Variants in GLIS3 observed in about 807,000 individuals in gnomAD.
The protein encoded by GLIS3 is zinc finger protein GLIS3.
In GLIS3, 53 loss-of-function variants were observed where a neutral mutation model predicts 78.6. That is an observed-to-expected ratio of 0.67 (90% CI 0.54 to 0.85). The LOEUF (loss-of-function observed/expected upper bound fraction) is 0.85. Among genes scored for constraint, GLIS3 ranks in the 40% least tolerant of loss-of-function variants. GLIS3 has a pLI of 0.00. For missense variants in GLIS3, 1,703 were observed against 1,231.1 expected, an observed-to-expected ratio of 1.38 and a Z score of -5.74; for synonymous variants, 684 against 509.9, an observed-to-expected ratio of 1.34 and a Z score of -4.60.
At chr9:4,286,659 G>A in intron 1 of GLIS3, 136 bp from the exon 2 acceptor site, 1 of 580,784 alleles carries the variant, frequency 1.7e-6, no homozygotes, top group East Asian at 3.0e-5. Flanking sequence ...GTAGAAAAGG[G>A]TCCTCAAATA....
At chr9:4,425,128 C>CT in the GLIS3 span, among the ~76,000 whole-genome samples, 5 of 152,094 alleles carry the variant, frequency 3.3e-5, no homozygotes, top group African/African-American at 4.8e-5. Flanking sequence ...CAGAAGGAGC[C>CT]TGGGTCCCTG....
chr9:4,374,588 T>C, the GLIS3 span, among the ~76,000 whole-genome samples: 1 of 152,238 alleles, frequency 6.6e-6, no homozygotes, highest in Non-Finnish European at 1.5e-5. Flanking sequence ...CTTGGGGAAC[T>C]ATTCCCCCTT....
chr9:4,251,399 G>C (rs955727696), intron 2 of GLIS3, among the ~76,000 whole-genome samples: 2 of 148,620 alleles, frequency 1.3e-5, no homozygotes, highest in Non-Finnish European at 3.0e-5. Context: ...TTGGTTTAAA[G>C]TCTGTTTTAT....
the GLIS3 span, among the ~76,000 whole-genome samples, chr9:4,449,616 C>A: frequency 1.3e-5 from 2 of 152,286 alleles, no homozygotes; most frequent in African/African-American, 4.8e-5. Flanking sequence ...TGGGATGAAG[C>A]TTCCAGAGGA....
At chr9:4,128,544 T>A (rs1832739446) in intron 2 of GLIS3, among the ~76,000 whole-genome samples, 1 of 152,208 alleles carries the variant, frequency 6.6e-6, no homozygotes, top group Admixed American at 6.5e-5. Context: ...ACTGACAAGT[T>A]ATTCCACTGA....
At chr9:4,136,955 G>T (rs1833448887) in intron 2 of GLIS3, among the ~76,000 whole-genome samples, 1 of 152,282 alleles carries the variant, frequency 6.6e-6, no homozygotes, top group Non-Finnish European at 1.5e-5. Context: ...CTAGTCACCT[G>T]ATGTGCATCT....
intron 4 of GLIS3, among the ~76,000 whole-genome samples, chr9:3,951,881 C>CACACACACAT (rs1261035632): frequency 6.6e-6 from 1 of 150,498 alleles, no homozygotes; most frequent in African/African-American, 2.5e-5. Context: ...CACACACACA[C>CACACACACAT]ACACGCACGC....
intron 4 of GLIS3, among the ~76,000 whole-genome samples, chr9:3,946,150 C>T (rs927743407): frequency 9.4e-4 from 143 of 152,224 alleles, no homozygotes; most frequent in Non-Finnish European, 2.9e-5. Context: ...CACATGCCCA[C>T]CATGCTTTGC....
chr9:3,961,892 C>T (rs7026198), intron 4 of GLIS3, among the ~76,000 whole-genome samples: 11,654 of 152,138 alleles, frequency 0.077, 496 homozygotes, highest in Middle Eastern at 0.15. Context: ...AGTATCTTGA[C>T]ATAAACATGG....
the GLIS3 span, among the ~76,000 whole-genome samples, chr9:4,417,248 G>A: frequency 6.6e-6 from 1 of 152,128 alleles, no homozygotes; most frequent in Non-Finnish European, 1.5e-5. Flanking sequence ...AATGACTCAC[G>A]GTTAACATGC....
At position 4,122,469 on chromosome 9, in the gene GLIS3, T is replaced by C. The variant is rs151194493; in HGVS notation, c.596+3265A>G. On this transcript the variant is annotated intron_variant, in intron 3 of 10. Transcript: ENST00000381971. The stretch of plus-strand genomic sequence containing the variant: ...TAGCCTTCTCTGACCTTTGTGGATA[T>C]ACTCTCAAAGGAAACCATCACCAAG... Among the ~76,000 whole-genome samples, 901 of 152,272 alleles carry C rather than the reference T, an allele frequency of 5.9e-3. 10 individuals are homozygous for C. Among genetic ancestry groups the C allele is most frequent in the African/African-American group, 0.016 (676 of 41,556 alleles).
chr9:4,328,611 T>C (rs1035727058), intron 2 of GLIS3, among the ~76,000 whole-genome samples: 3 of 152,140 alleles, frequency 2.0e-5, no homozygotes, highest in Non-Finnish European at 4.4e-5. Context: ...AAATCATGAT[T>C]ATGTATGTTA....
intron 1 of GLIS3, among the ~76,000 whole-genome samples, chr9:4,287,824 C>A (rs1282427712): frequency 6.6e-6 from 1 of 152,226 alleles, no homozygotes; most frequent in Non-Finnish European, 1.5e-5. Flanking sequence ...CTAATTTTAA[C>A]TCAAGCACTC....
At chr9:4,434,078 G>C in the GLIS3 span, among the ~76,000 whole-genome samples, 2 of 139,156 alleles carry the variant, frequency 1.4e-5, no homozygotes, top group African/African-American at 2.6e-5. Context: ...CCTGGTGACA[G>C]AGTGAGACTC....
At chr9:4,231,402 A>G (rs1587066973) in intron 2 of GLIS3, among the ~76,000 whole-genome samples, 1 of 152,206 alleles carries the variant, frequency 6.6e-6, no homozygotes, top group East Asian at 1.9e-4. Flanking sequence ...AAGGCCTGTA[A>G]GATAGATTGG....
Position 3,879,603 on chromosome 9 carries a change from C to T in GLIS3, c.2129-8G>A. On this transcript the variant is annotated splice_polypyrimidine_tract_variant and splice_region_variant and intron_variant, in intron 7 of 10. Transcript: ENST00000381971. ...TGCTGGAGAAAATGGGAGCTGAAAT[C>T]AAGGGAGAACAAACATGAGACCGTG... is the stretch of plus-strand genomic sequence containing the variant. 7.4e-6 allele frequency: 12 copies of T among 1,613,840 alleles called. No homozygotes were observed. The highest frequency in any genetic ancestry group is 1.0e-5 in the Non-Finnish European group (12 of 1,179,880).
intron 2 of GLIS3, among the ~76,000 whole-genome samples, chr9:4,268,888 G>C (rs570256932): frequency 6.6e-6 from 1 of 152,056 alleles, no homozygotes; most frequent in South Asian, 2.1e-4. Context: ...CAGCACTAGG[G>C]CAGTAGCTGT....
chr9:4,454,695 T>A, the GLIS3 span, among the ~76,000 whole-genome samples: 1 of 152,192 alleles, frequency 6.6e-6, no homozygotes, highest in African/African-American at 2.4e-5. Context: ...GCAGGGAATA[T>A]ATTTTGCCCT....
chr9:3,967,502 C>CA (rs920269811), intron 4 of GLIS3, among the ~76,000 whole-genome samples: 4 of 150,084 alleles, frequency 2.7e-5, no homozygotes, highest in Non-Finnish European at 5.9e-5. Flanking sequence ...GACTCCACCA[C>CA]AAAAAAAAGA....
Sources: allele counts gnomAD v4.1 joint callset (sites outside exome capture counted in the v4.1 genomes callset), GRCh38; gene constraint gnomAD v4.1.1; transcripts MANE v1.5; gene names NCBI Gene and HGNC (gene_info 2026-07-23, HGNC 2026-07-21).